The following KAZN variants were observed in gnomAD, a reference collection of about 807,000 sequenced individuals.
KAZN encodes the protein kazrin.
In KAZN, 40 loss-of-function variants were observed where a neutral mutation model predicts 87.4. The ratio of observed to expected loss-of-function variants is 0.46; its 90% CI spans 0.36 to 0.60. KAZN has a LOEUF of 0.60. KAZN is among the 20% of genes least tolerant of loss of function. The probability of loss-of-function intolerance (pLI) is 0.00; values close to 1 mark genes in which losing one functional copy is unlikely to be tolerated. For synonymous variants in KAZN, 466 were observed against 458.3 expected (o/e 1.02, Z -0.22); for missense variants, 898 against 1,073.9 (o/e 0.84, Z 2.29).
intron 1 of KAZN, among the ~76,000 whole-genome samples, chr1:14,891,349 C>T (rs1177071597): frequency 1.3e-5 from 2 of 152,160 alleles, no homozygotes; most frequent in Non-Finnish European, 2.9e-5. Context: ...TCCATTGTAT[C>T]ATTCTTATGC....
chr1:14,055,381 C>T (rs1425341075), intron 1 of KAZN, among the ~76,000 whole-genome samples: 2 of 152,190 alleles, frequency 1.3e-5, no homozygotes, highest in Non-Finnish European at 2.9e-5. Flanking sequence ...AGAGTCTGCA[C>T]TGCATGAAGA....
At chr1:14,441,641 C>T (rs1236863679) in intron 2 of KAZN, among the ~76,000 whole-genome samples, 1 of 152,100 alleles carries the variant, frequency 6.6e-6, no homozygotes, top group Non-Finnish European at 1.5e-5. Flanking sequence ...TCAAATGTCT[C>T]AGAGGATTAA....
chr1:14,630,946 A>G (rs1679514470), intron 1 of KAZN, among the ~76,000 whole-genome samples: 1 of 152,110 alleles, frequency 6.6e-6, no homozygotes, highest in Non-Finnish European at 1.5e-5. Flanking sequence ...GTAAAAATCA[A>G]TATGTTTAAA....
intron 2 of KAZN, among the ~76,000 whole-genome samples, chr1:14,244,713 A>T (rs13374349): frequency 3.3e-5 from 5 of 151,736 alleles, no homozygotes; most frequent in Admixed American, 2.0e-4. Context: ...GCAAGTACAA[A>T]GGCCCTGAGG....
intron 2 of KAZN, among the ~76,000 whole-genome samples, chr1:14,986,382 A>G (rs1413594133): frequency 6.6e-6 from 1 of 152,182 alleles, no homozygotes; most frequent in Non-Finnish European, 1.5e-5. Flanking sequence ...TGCACTGGCC[A>G]AGCTCTGGGA....
At chr1:14,218,862 A>G (rs1016751014) in intron 2 of KAZN, among the ~76,000 whole-genome samples, 4 of 151,004 alleles carry the variant, frequency 2.6e-5, no homozygotes, top group African/African-American at 9.7e-5. Flanking sequence ...TTAGAATATT[A>G]CTATTTTGCA....
At chr1:14,412,309 A>C (rs1403564573) in intron 2 of KAZN, among the ~76,000 whole-genome samples, 1 of 152,246 alleles carries the variant, frequency 6.6e-6, no homozygotes, top group Non-Finnish European at 1.5e-5. Flanking sequence ...CTTTTATAAG[A>C]ACAACCAAAA....
Position 14,943,684 on chromosome 1 carries a change from T to TGGTTAGTAA in KAZN, c.227-16998_227-16990dup. Among the ~76,000 whole-genome samples, 9 of 152,330 alleles carry TGGTTAGTAA rather than the reference T, an allele frequency of 5.9e-5. 4 individuals carry two copies. Among genetic ancestry groups the TGGTTAGTAA allele is most frequent in the Admixed American group, 5.9e-4 (9 of 15,296 alleles). ...GTGAGGTGACCTGCTCAAGATCACT[T>TGGTTAGTAA]GGTTAGTAAGTGGCTGGGATGCCTT... is the stretch of plus-strand genomic sequence containing the variant. On this transcript the variant is annotated intron_variant, in intron 1 of 14. Transcript: ENST00000376030.
At chr1:15,003,938 A>T (rs554341690) in intron 2 of KAZN, among the ~76,000 whole-genome samples, 1 of 152,148 alleles carries the variant, frequency 6.6e-6, no homozygotes, top group Admixed American at 6.5e-5. Context: ...CAGGCTGCAT[A>T]GGTCCTGGCC....
At chr1:14,195,490 G>A (rs1371871559) in intron 2 of KAZN, among the ~76,000 whole-genome samples, 1 of 145,842 alleles carries the variant, frequency 6.9e-6, no homozygotes, top group Non-Finnish European at 1.5e-5. Context: ...ATCCATCAGG[G>A]ATTCCAATTA....
At chr1:14,038,886 C>A (rs1641677460) in intron 1 of KAZN, among the ~76,000 whole-genome samples, 1 of 152,188 alleles carries the variant, frequency 6.6e-6, no homozygotes, top group African/African-American at 2.4e-5. Context: ...GGATTAAAGG[C>A]CAGGCGCAGT....
intron 1 of KAZN, among the ~76,000 whole-genome samples, chr1:14,824,500 G>A (rs1347947796): frequency 6.6e-6 from 1 of 152,166 alleles, no homozygotes; most frequent in African/African-American, 2.4e-5. Flanking sequence ...CTGTTGTGTG[G>A]GCAGCACTGC....
At chr1:14,496,974 A>G (rs1669976349) in intron 2 of KAZN, among the ~76,000 whole-genome samples, 1 of 152,218 alleles carries the variant, frequency 6.6e-6, no homozygotes, top group Non-Finnish European at 1.5e-5. Flanking sequence ...CAACTGAGAA[A>G]TGGATCTTTA....
At chr1:14,337,468 C>CT (rs1191801929) in intron 2 of KAZN, among the ~76,000 whole-genome samples, 1 of 152,156 alleles carries the variant, frequency 6.6e-6, no homozygotes, top group East Asian at 1.9e-4. Context: ...CTCAATAGGT[C>CT]TTGTATATTG....
intron 1 of KAZN, among the ~76,000 whole-genome samples, chr1:13,936,706 C>A (rs1640755849): frequency 6.6e-6 from 1 of 152,184 alleles, no homozygotes; most frequent in African/African-American, 2.4e-5. Context: ...GATATGATTT[C>A]ATTCTTTTTA....
intron 1 of KAZN, among the ~76,000 whole-genome samples, chr1:13,962,366 T>G (rs2101027560): frequency 6.6e-6 from 1 of 152,150 alleles, no homozygotes; most frequent in South Asian, 2.1e-4. Flanking sequence ...GCCTTGAGGA[T>G]GAAGGCAACA....
chr1:13,919,809 T>C (rs1394390949), intron 1 of KAZN, among the ~76,000 whole-genome samples: 1 of 152,244 alleles, frequency 6.6e-6, no homozygotes, highest in Non-Finnish European at 1.5e-5. Flanking sequence ...CCAATTTTGA[T>C]GTAGTCCACA....
At chr1:14,839,751 C>T (rs144043179) in intron 1 of KAZN, among the ~76,000 whole-genome samples, 2 of 152,288 alleles carry the variant, frequency 1.3e-5, no homozygotes, top group African/African-American at 4.8e-5. Flanking sequence ...CTCACCCTGA[C>T]GTCCTTGATG....
At chr1:14,951,006 A>T (rs1456540444) in intron 1 of KAZN, among the ~76,000 whole-genome samples, 1 of 152,122 alleles carries the variant, frequency 6.6e-6, no homozygotes, top group African/African-American at 2.4e-5. Flanking sequence ...TCTGTGGCTC[A>T]GTTTCTTTTG....
Sources: gnomAD v4.1 joint callset for allele counts (sites outside exome capture counted in the v4.1 genomes callset) on GRCh38, gnomAD v4.1.1 for gene constraint, MANE v1.5 for transcripts, NCBI Gene and HGNC (gene_info 2026-07-23, HGNC 2026-07-21) for gene names.